The following WWOX variants were observed in gnomAD, a reference collection of about 807,000 sequenced individuals.
WWOX encodes the protein WW domain containing oxidoreductase.
In WWOX, 69 loss-of-function variants were observed where a neutral mutation model predicts 46.2. The observed-to-expected ratio is 1.49, with a 90% confidence interval of 1.23 to 1.82. WWOX has a LOEUF of 1.82. Ranked by LOEUF, WWOX falls within the 40% of genes most tolerant of loss-of-function variation. The pLI is 0.00. For synonymous variants in WWOX, 359 were observed against 202.6 expected, an observed-to-expected ratio of 1.77 and a Z score of -6.56; for missense variants, 919 against 542.6, an observed-to-expected ratio of 1.69 and a Z score of -6.89.
chr16:78,100,866 G>C (rs2031730285), intron 1 of WWOX, among the ~76,000 whole-genome samples: 1 of 152,048 alleles, frequency 6.6e-6, no homozygotes, highest in African/African-American at 2.4e-5. Flanking sequence ...TACACGTTTT[G>C]GGTCTCCATA....
At chr16:78,510,964 T>A (rs551914650) in intron 8 of WWOX, among the ~76,000 whole-genome samples, 1 of 152,212 alleles carries the variant, frequency 6.6e-6, no homozygotes, top group Non-Finnish European at 1.5e-5. Flanking sequence ...GATATCACCA[T>A]TGAGGGGAGC....
At chr16:78,406,669 G>A (rs1373753012) in intron 6 of WWOX, among the ~76,000 whole-genome samples, 1 of 132,092 alleles carries the variant, frequency 7.6e-6, no homozygotes, top group African/African-American at 2.9e-5. Context: ...CTCTGTTGCC[G>A]AGGCTGGAGT....
intron 8 of WWOX, among the ~76,000 whole-genome samples, chr16:79,186,922 C>G (rs774688525): frequency 2.0e-4 from 31 of 152,234 alleles, no homozygotes; most frequent in South Asian, 6.2e-4. Flanking sequence ...TGTTCACTCC[C>G]AAGCCCAAAA....
In WWOX at chr16:79,174,401, C is replaced by T. The variant is rs557161137; in HGVS notation, c.1057-37207C>T. Among the ~76,000 whole-genome samples, 14 of 152,314 alleles carry T rather than the reference C, an allele frequency of 9.2e-5. No individual in the cohort carries two copies. The East Asian group carries it at 1.7e-3, about 19-fold the overall frequency. ...TGGTGGCTCACGCCTGTAATCCCAG[C>T]TCTTTGGGAGGCTGAGGCAGGTGGA... On this transcript the variant is annotated intron_variant, in intron 8 of 8. Coordinates refer to ENST00000566780, the MANE Select transcript of WWOX (RefSeq NM_016373.4).
Position 78,341,580 on chromosome 16 carries a change from A to C in WWOX, c.517-45280A>C, listed in dbSNP as rs1055904020. The stretch of plus-strand genomic sequence containing the variant: ...GTCTGTGTACTTGGAGCTCTGAATC[A>C]CTATTGTCACTGAGGGAGTGGACAG... On this transcript the variant is annotated intron_variant, in intron 5 of 8. Coordinates refer to ENST00000566780, the MANE Select transcript of WWOX (RefSeq NM_016373.4). Among the ~76,000 whole-genome samples the C allele has an allele frequency of 2.5e-5, 3 of 119,906 alleles. 1 individual carries two copies. Among genetic ancestry groups the C allele is most frequent in the Admixed American group, 2.4e-4 (3 of 12,274 alleles). 78.7% of individuals were successfully genotyped at this position (119,906 alleles called of 152,430 possible).
rs2052205505 is a variant in WWOX at position 78,843,113 on chromosome 16, A to G, written c.1057-368495A>G. Among the ~76,000 whole-genome samples, 7 of 149,682 alleles carry G rather than the reference A, an allele frequency of 4.7e-5. 1 individual carries two copies. The South Asian group carries it at 1.3e-3, about 28-fold the overall frequency. ...CTTGTTAATTTTTTTTTGGCACCAT[A>G]GAAATGTTTCCATAAATAGTGCATT... is the stretch of plus-strand genomic sequence containing the variant. On this transcript the variant is annotated intron_variant, in intron 8 of 8. Transcript: ENST00000566780.
chr16:78,761,519 T>G (rs1597566871), intron 8 of WWOX, among the ~76,000 whole-genome samples: 1 of 152,202 alleles, frequency 6.6e-6, no homozygotes, highest in African/African-American at 2.4e-5. Flanking sequence ...TTTCTTTCTC[T>G]GCTCATCTAC....
At chr16:78,644,758 C>T (rs982263751) in intron 8 of WWOX, among the ~76,000 whole-genome samples, 1 of 152,218 alleles carries the variant, frequency 6.6e-6, no homozygotes. Flanking sequence ...CCACTGTGCC[C>T]AGCCAAACCT....
chr16:78,253,900 G>A (rs1357955913), intron 5 of WWOX, among the ~76,000 whole-genome samples: 3 of 151,980 alleles, frequency 2.0e-5, no homozygotes, highest in East Asian at 3.9e-4. Flanking sequence ...CTCCAGCCTC[G>A]CATTCCCCTG....
At position 79,212,505 on chromosome 16, in the gene WWOX, A is replaced by G. The variant is rs920527061; in HGVS notation, c.*709A>G. 1 of 194,514 alleles carries G rather than the reference A, an allele frequency of 5.1e-6. No homozygotes were observed. The highest frequency in any genetic ancestry group is 2.3e-5 in the African/African-American group (1 of 43,274). 12.0% of individuals were successfully genotyped at this position (194,514 alleles called of 1,614,324 possible). ...TTGAAAGGCAGGAAGGGAAGCGTAT[A>G]TACTTAAGAATACACAGGATATTTT... On this transcript the variant is annotated 3_prime_UTR_variant, in exon 9 of 9. Transcript: ENST00000566780.
intron 5 of WWOX, among the ~76,000 whole-genome samples, chr16:78,185,798 C>G (rs1336413387): frequency 6.6e-6 from 1 of 152,212 alleles, no homozygotes; most frequent in East Asian, 1.9e-4. Flanking sequence ...TCCAGAGTAG[C>G]TGGGATTACA....
chr16:78,490,804 C>G lies in WWOX; in HGVS notation c.1056+58052C>G, dbSNP rs80131503. On this transcript the variant is annotated intron_variant, in intron 8 of 8. Coordinates refer to ENST00000566780, the MANE Select transcript of WWOX (RefSeq NM_016373.4). The stretch of plus-strand genomic sequence containing the variant: ...GCAAACGTGGCTTCTCTTCCCCAGG[C>G]AGAGCAGTCCGTTACTTAGACTAGG... Among the ~76,000 whole-genome samples, 89 of 152,316 alleles carry G rather than the reference C, an allele frequency of 5.8e-4. No homozygotes were observed. The East Asian group carries it at 6.6e-3, about 11-fold the overall frequency.
chr16:78,883,135 C>T (rs1385939370), intron 8 of WWOX, among the ~76,000 whole-genome samples: 3 of 152,140 alleles, frequency 2.0e-5, no homozygotes, highest in Non-Finnish European at 4.4e-5. Flanking sequence ...TTTTGGATGC[C>T]ACCACACATG....
chr16:78,229,699 G>A (rs756594066), intron 5 of WWOX, among the ~76,000 whole-genome samples: 49 of 151,842 alleles, frequency 3.2e-4, no homozygotes, highest in Non-Finnish European at 4.9e-4. Context: ...TTTCAGTGTT[G>A]GTAGCTCATT....
At chr16:78,719,529 C>G (rs564214377) in intron 8 of WWOX, among the ~76,000 whole-genome samples, 1 of 152,252 alleles carries the variant, frequency 6.6e-6, no homozygotes, top group East Asian at 1.9e-4. Flanking sequence ...AAATAGGAGA[C>G]AAGTGTGTCG....
chr16:78,742,220 G>A (rs1171874506), intron 8 of WWOX, among the ~76,000 whole-genome samples: 1 of 152,172 alleles, frequency 6.6e-6, no homozygotes, highest in African/African-American at 2.4e-5. Context: ...GGGTGAGTGT[G>A]CTCAAAACTT....
chr16:78,914,029 A>G (rs1263873650), intron 8 of WWOX, among the ~76,000 whole-genome samples: 1 of 152,066 alleles, frequency 6.6e-6, no homozygotes, highest in African/African-American at 2.4e-5. Flanking sequence ...TCTGAGGATC[A>G]TCAGAGATGA....
At chr16:79,183,882 C>T (rs1055547584) in intron 8 of WWOX, among the ~76,000 whole-genome samples, 1 of 152,202 alleles carries the variant, frequency 6.6e-6, no homozygotes, top group Non-Finnish European at 1.5e-5. Flanking sequence ...GTCCTTTTCT[C>T]ACTGCTCTGG....
intron 8 of WWOX, among the ~76,000 whole-genome samples, chr16:78,691,981 C>T (rs546270628): frequency 4.7e-4 from 72 of 152,222 alleles, no homozygotes; most frequent in African/African-American, 1.4e-3. Flanking sequence ...CAGGAGTTTC[C>T]GCTTTTGCTT....
Sources: gnomAD v4.1 joint callset for allele counts (sites outside exome capture counted in the v4.1 genomes callset) on GRCh38, gnomAD v4.1.1 for gene constraint, MANE v1.5 for transcripts, NCBI Gene and HGNC (gene_info 2026-07-23, HGNC 2026-07-21) for gene names.